The following PRTFDC1 variants were observed in gnomAD, a reference collection of about 807,000 sequenced individuals.
PRTFDC1 encodes the protein phosphoribosyl transferase domain containing 1.
A neutral mutation model predicts 34.6 loss-of-function variants in PRTFDC1; 38 were observed. The ratio of observed to expected loss-of-function variants is 1.10; its 90% CI spans 0.85 to 1.44. The LOEUF (loss-of-function observed/expected upper bound fraction) is 1.44, where lower values mean the gene tolerates loss of function less well. Ranked by LOEUF, PRTFDC1 falls within the 40% of genes most tolerant of loss-of-function variation. The pLI, the probability that PRTFDC1 is intolerant of heterozygous loss-of-function variation, is 0.00. For synonymous variants in PRTFDC1, 93 were observed against 98.1 expected (o/e 0.95, Z 0.31); for missense variants, 270 against 283.0 (o/e 0.95, Z 0.33).
At chr10:24,934,192 A>G (rs1849012054) in intron 3 of PRTFDC1, among the ~76,000 whole-genome samples, 1 of 152,030 alleles carries the variant, frequency 6.6e-6, no homozygotes, top group Non-Finnish European at 1.5e-5. Context: ...CTCTATCTAT[A>G]TAATCAAATT....
intron 3 of PRTFDC1, among the ~76,000 whole-genome samples, chr10:24,930,375 AT>A (rs371400564): frequency 2.2e-4 from 33 of 152,198 alleles, no homozygotes; most frequent in Middle Eastern, 3.4e-3. Context: ...GTTAATATTC[AT>A]TTTCTTAGAA....
rs544881327 is a variant in PRTFDC1 at position 24,882,634 on chromosome 10, C to A, written c.340-10571G>T. Among the ~76,000 whole-genome samples, 70 of 152,170 alleles carry A rather than the reference C, an allele frequency of 4.6e-4. 2 individuals carry two copies. In the South Asian group the frequency reaches 0.015, roughly 32 times the overall value. ...ATTCTTATTACTATTATTTTATTAT[C>A]TCAGTTCCTGAAAAGCCTCCTTAAT... On this transcript the variant is annotated intron_variant, in intron 3 of 8. Coordinates refer to ENST00000320152, the MANE Select transcript of PRTFDC1 (RefSeq NM_020200.7).
intron 3 of PRTFDC1, among the ~76,000 whole-genome samples, chr10:24,893,516 C>T (rs1050641194): frequency 6.6e-6 from 1 of 152,044 alleles, no homozygotes; most frequent in Non-Finnish European, 1.5e-5. Flanking sequence ...CAATAGGTTG[C>T]CCAGGCTGGT....
At chr10:24,892,213 C>T (rs1848274758) in intron 3 of PRTFDC1, among the ~76,000 whole-genome samples, 2 of 152,026 alleles carry the variant, frequency 1.3e-5, no homozygotes, top group Non-Finnish European at 2.9e-5. Flanking sequence ...TCTTGAACTC[C>T]TGGGCTCAAG....
intron 3 of PRTFDC1, among the ~76,000 whole-genome samples, chr10:24,892,524 A>G (rs186463838): frequency 6.2e-4 from 94 of 152,022 alleles, no homozygotes; most frequent in African/African-American, 2.1e-3. Context: ...TCATGTACCT[A>G]TTGACCATTC....
intron 8 of PRTFDC1, 112 bp from the exon 9 acceptor site, chr10:24,850,003 A>G: frequency 1.0e-6 from 1 of 975,186 alleles, no homozygotes; most frequent in Non-Finnish European, 1.6e-6. Context: ...TGATCATTTA[A>G]ATAGAAATGT....
chr10:24,860,922 CTT>C (rs1259205299), intron 4 of PRTFDC1, among the ~76,000 whole-genome samples: 2 of 152,302 alleles, frequency 1.3e-5, no homozygotes, highest in Non-Finnish European at 2.9e-5. Flanking sequence ...CTCACAATCT[CTT>C]TTTGTTTCAA....
At chr10:24,859,597 A>G (rs1303926214) in intron 4 of PRTFDC1, among the ~76,000 whole-genome samples, 1 of 152,178 alleles carries the variant, frequency 6.6e-6, no homozygotes, top group Non-Finnish European at 1.5e-5. Context: ...AGCAGAACAG[A>G]TGCCAGCACC....
At chr10:24,923,409 A>T (rs902728954) in intron 3 of PRTFDC1, among the ~76,000 whole-genome samples, 1 of 152,170 alleles carries the variant, frequency 6.6e-6, no homozygotes, top group Non-Finnish European at 1.5e-5. Context: ...GCCGACAGAC[A>T]CCTCATACAG....
At chr10:24,949,168 C>T (rs752397374) in intron 1 of PRTFDC1, among the ~76,000 whole-genome samples, 1 of 152,160 alleles carries the variant, frequency 6.6e-6, no homozygotes, top group South Asian at 2.1e-4. Context: ...TGGCTCACTG[C>T]AGCCTTGACT....
chr10:24,942,389 T>A lies in PRTFDC1; in HGVS notation c.96A>T (p.Pro32=), dbSNP rs1849175916. Residue 32 remains proline, a synonymous_variant, in exon 2 of 9, where the codon CCA becomes CCT. Coordinates refer to ENST00000320152, the MANE Select transcript of PRTFDC1 (RefSeq NM_020200.7). ...ACTCCAAGTCTCCATAATAGTGCTGTGGGTACGTGAATAAATTCAAGTCAT... is the reference window on the plus strand; with the variant it reads ...ACTCCAAGTCTCCATAATAGTGCTGAGGGTACGTGAATAAATTCAAGTCAT... ...PGYDLNLFTY[P]QHYYGDLEYV... is the part of the protein sequence containing the mutation. 1 of 1,613,976 alleles carries A rather than the reference T, an allele frequency of 6.2e-7. No individual in the cohort carries two copies. Among genetic ancestry groups the A allele is most frequent in the East Asian group, 2.2e-5 (1 of 44,894 alleles).
chr10:24,861,840 C>T (rs1847685213), intron 4 of PRTFDC1, among the ~76,000 whole-genome samples: 6 of 152,092 alleles, frequency 3.9e-5, no homozygotes, highest in Admixed American at 3.9e-4. Context: ...GGATCTCGAT[C>T]ATAGCTCCCT....
At chr10:24,881,019 TTCTCTC>T (rs768643198) in intron 3 of PRTFDC1, among the ~76,000 whole-genome samples, 1 of 142,764 alleles carries the variant, frequency 7.0e-6, no homozygotes, top group African/African-American at 2.7e-5. Context: ...CTCTCTTTCT[TTCTCTC>T]TCTCTATCTC....
rs1332827456 is a variant in PRTFDC1, at chr10:24,937,358, C to T, written c.165G>A (p.Arg55=). The T allele has an allele frequency of 6.2e-7, 1 of 1,605,686 alleles. No homozygotes were observed. The highest frequency in any genetic ancestry group is 1.7e-5 in the Admixed American group (1 of 57,804). The change falls in exon 3 of 9, where the codon CGG becomes CGA. Residue 55 remains arginine, a synonymous_variant. Coordinates refer to ENST00000320152, the MANE Select transcript of PRTFDC1 (RefSeq NM_020200.7). The part of the protein sequence containing the change: ...PHGIIVDRIE[R]LAKDIMKDIG... ...TGTCTTTCATAATATCCTTGGCCAG[C>T]CGCTCAATTCTGAAAGAAGGATAAA...
chr10:24,880,827 C>CTTTCTT (rs1555046637), intron 3 of PRTFDC1, among the ~76,000 whole-genome samples: 2 of 127,218 alleles, frequency 1.6e-5, no homozygotes, highest in Non-Finnish European at 3.3e-5. Flanking sequence ...TTCTTTCTTT[C>CTTTCTT]TTTCTTTCTT....
At chr10:24,890,499 C>T (rs1017121211) in intron 3 of PRTFDC1, among the ~76,000 whole-genome samples, 1 of 152,196 alleles carries the variant, frequency 6.6e-6, no homozygotes, top group Non-Finnish European at 1.5e-5. Flanking sequence ...ATTGCTAGTA[C>T]ATAAAACATC....
chr10:24,850,558 G>A (rs757444990), intron 8 of PRTFDC1, among the ~76,000 whole-genome samples: 8 of 152,150 alleles, frequency 5.3e-5, no homozygotes, highest in Non-Finnish European at 1.0e-4. Flanking sequence ...CTTGAGCCTG[G>A]GAGTTCAAGG....
At chr10:24,877,192 T>A (rs936532862) in intron 3 of PRTFDC1, among the ~76,000 whole-genome samples, 1 of 152,096 alleles carries the variant, frequency 6.6e-6, no homozygotes, top group South Asian at 2.1e-4. Context: ...CATACCACCA[T>A]GCCCGACTAA....
intron 4 of PRTFDC1, among the ~76,000 whole-genome samples, chr10:24,866,524 C>T (rs1187660638): frequency 1.4e-4 from 22 of 151,932 alleles, no homozygotes; most frequent in South Asian, 2.1e-4. Flanking sequence ...AGAGGTTCCT[C>T]GTGAATATGA....
Sources: gnomAD v4.1 joint callset for allele counts (sites outside exome capture counted in the v4.1 genomes callset) on GRCh38, gnomAD v4.1.1 for gene constraint, MANE v1.5 for transcripts, NCBI Gene and HGNC (gene_info 2026-07-23, HGNC 2026-07-21) for gene names.